Variants in DPH6 observed in about 807,000 individuals in gnomAD.
DPH6 encodes the protein diphthamine biosynthesis 6, also known as diphthine--ammonia ligase.
DPH6 carries 33 observed loss-of-function variants against 38.2 expected under a neutral mutation model. The ratio of observed to expected loss-of-function variants is 0.86; its 90% CI spans 0.65 to 1.15. The LOEUF (loss-of-function observed/expected upper bound fraction) is 1.15, where lower values mean the gene tolerates loss of function less well. Ranked by LOEUF, DPH6 falls within the 50% of genes most tolerant of loss-of-function variation. DPH6 has a pLI of 0.00. For synonymous variants in DPH6, 108 were observed against 103.0 expected (o/e 1.05, Z -0.30); for missense variants, 325 against 320.0 (o/e 1.02, Z -0.12).
intron 3 of DPH6, among the ~76,000 whole-genome samples, chr15:35,231,914 G>A (rs1034105636): frequency 1.3e-5 from 2 of 152,106 alleles, no homozygotes; most frequent in African/African-American, 4.8e-5. Context: ...TCATTACCAC[G>A]GGTAGGCACC....
chr15:35,415,716 A>C (rs2053427708), intron 5 of DPH6, among the ~76,000 whole-genome samples: 1 of 152,030 alleles, frequency 6.6e-6, no homozygotes, highest in Non-Finnish European at 1.5e-5. Flanking sequence ...ACTTTTCTGT[A>C]TTCATGAAAG....
chr15:35,484,200 G>A (rs2054365644), intron 3 of DPH6, among the ~76,000 whole-genome samples: 1 of 152,180 alleles, frequency 6.6e-6, no homozygotes, highest in Non-Finnish European at 1.5e-5. Context: ...ATAAGAGGTA[G>A]GGAAATAGTG....
chr15:35,224,519 G>A lies in DPH6; in HGVS notation n.201-3937C>T, dbSNP rs138906462. ...CAAATGTTTAGCAATTATGAATAAA[G>A]CTGCTACGAACATTCATGTATTGGT... On this transcript the variant is annotated intron_variant and non_coding_transcript_variant, in intron 3 of 3. Transcript: ENST00000560386. Among the ~76,000 whole-genome samples, 529 of 152,326 alleles carry A rather than the reference G, an allele frequency of 3.5e-3. 2 individuals carry two copies. The highest frequency in any genetic ancestry group is 0.012 in the African/African-American group (505 of 41,574).
rs118041453 is a variant in DPH6, at chr15:35,222,275, C to T, written n.201-1693G>A. 9.2e-3 allele frequency among the ~76,000 whole-genome samples: 1,402 copies of T among 152,266 alleles called. 14 individuals carry two copies. The highest frequency in any genetic ancestry group is 0.014 in the Non-Finnish European group (957 of 68,016). ...ATTTCAAAACTGTTCTACCTGCTAC[C>T]CATTACTCAGTTCCAAAGTCACTTC... is the stretch of plus-strand genomic sequence containing the variant. On this transcript the variant is annotated intron_variant and non_coding_transcript_variant, in intron 3 of 3. Coordinates refer to the DPH6 transcript ENST00000560386.
chr15:35,278,154 A>G (rs1201770481), intron 3 of DPH6, among the ~76,000 whole-genome samples: 1 of 152,222 alleles, frequency 6.6e-6, no homozygotes, highest in Admixed American at 6.5e-5. Context: ...TCACAGGCCC[A>G]GAAGCCTCGG....
intron 3 of DPH6, among the ~76,000 whole-genome samples, chr15:35,324,235 T>C (rs1482963224): frequency 3.9e-5 from 6 of 152,160 alleles, no homozygotes; most frequent in Admixed American, 3.3e-4. Context: ...TAGGGGACAA[T>C]AGAGCAATAG....
rs188567204 is a variant in DPH6 at position 35,510,730 on chromosome 15, C to T, written c.312+27544G>A. On this transcript the variant is annotated intron_variant, in intron 3 of 8. Coordinates refer to ENST00000256538, the MANE Select transcript of DPH6 (RefSeq NM_080650.4). ...ACCATGAAATTAAATCACCAAAAAC[C>T]CTGATACATGTCATCATTAGTCTAC... Among the ~76,000 whole-genome samples, 219 of 152,180 alleles carry T rather than the reference C, an allele frequency of 1.4e-3. 2 individuals carry two copies. Among genetic ancestry groups the T allele is most frequent in the South Asian group, 8.5e-3 (41 of 4,810 alleles).
intron 5 of DPH6, among the ~76,000 whole-genome samples, chr15:35,430,996 C>T (rs1595556738): frequency 6.6e-6 from 1 of 152,178 alleles, no homozygotes. Flanking sequence ...CTTCCAGTTC[C>T]ATTGAAAACC....
At chr15:35,525,473 A>G (rs1170863476) in intron 3 of DPH6, among the ~76,000 whole-genome samples, 1 of 152,218 alleles carries the variant, frequency 6.6e-6, no homozygotes, top group Non-Finnish European at 1.5e-5. Context: ...CAGAAGACCC[A>G]TCTGATCTCA....
At chr15:35,477,084 T>C (rs2054272463) in intron 3 of DPH6, among the ~76,000 whole-genome samples, 1 of 151,986 alleles carries the variant, frequency 6.6e-6, no homozygotes, top group East Asian at 1.9e-4. Context: ...TTATGGGTTT[T>C]ATTCTTCATA....
the DPH6 span, among the ~76,000 whole-genome samples, chr15:35,201,468 T>C: frequency 2.0e-5 from 3 of 152,004 alleles, no homozygotes; most frequent in Non-Finnish European, 4.4e-5. Context: ...CTATTCTGAA[T>C]GCTAACCATT....
intron 3 of DPH6, among the ~76,000 whole-genome samples, chr15:35,291,595 T>A (rs1251688024): frequency 2.0e-5 from 3 of 152,146 alleles, no homozygotes; most frequent in Non-Finnish European, 2.9e-5. Context: ...AGATGAAAAT[T>A]AAGTCAGAAG....
chr15:35,488,076 G>C (rs2054428687), intron 3 of DPH6, among the ~76,000 whole-genome samples: 1 of 152,172 alleles, frequency 6.6e-6, no homozygotes, highest in Non-Finnish European at 1.5e-5. Flanking sequence ...CCAGTTCCCA[G>C]TAAGGTCCTC....
intron 3 of DPH6, among the ~76,000 whole-genome samples, chr15:35,474,743 C>A (rs2054244052): frequency 6.6e-6 from 1 of 151,742 alleles, no homozygotes; most frequent in African/African-American, 2.4e-5. Context: ...AGTATCAGCC[C>A]CACAACTGCT....
At chr15:35,308,142 G>T (rs866568600) in intron 3 of DPH6, among the ~76,000 whole-genome samples, 1 of 151,928 alleles carries the variant, frequency 6.6e-6, no homozygotes, top group Non-Finnish European at 1.5e-5. Flanking sequence ...GGTGGCGTGC[G>T]CCTGTAGTCC....
intron 3 of DPH6, among the ~76,000 whole-genome samples, chr15:35,253,577 T>C (rs2051688516): frequency 6.6e-6 from 1 of 152,316 alleles, no homozygotes; most frequent in South Asian, 2.1e-4. Context: ...TGATCGACAT[T>C]TGATGGTTTC....
intron 3 of DPH6, among the ~76,000 whole-genome samples, chr15:35,459,433 T>C (rs1447871749): frequency 6.6e-6 from 1 of 152,148 alleles, no homozygotes; most frequent in Non-Finnish European, 1.5e-5. Context: ...ACCATCCAAA[T>C]ACATCTCCAA....
chr15:35,482,250 TA>T (rs1362914452), intron 3 of DPH6, among the ~76,000 whole-genome samples: 1 of 152,158 alleles, frequency 6.6e-6, no homozygotes. Flanking sequence ...TGAAGCGATA[TA>T]TGTTCAGACT....
the DPH6 span, among the ~76,000 whole-genome samples, chr15:35,193,429 AATT>A: frequency 8.5e-5 from 13 of 152,068 alleles, no homozygotes; most frequent in African/African-American, 2.9e-4. Flanking sequence ...TAACTTCTAT[AATT>A]ATTATTTAAT....
Sources: gnomAD v4.1 joint callset for allele counts (sites outside exome capture counted in the v4.1 genomes callset) on GRCh38, gnomAD v4.1.1 for gene constraint, MANE v1.5 for transcripts, NCBI Gene and HGNC (gene_info 2026-07-23, HGNC 2026-07-21) for gene names.